Variants in CTCF observed in about 807,000 individuals in gnomAD.
CTCF encodes the protein transcriptional repressor CTCF.
A neutral mutation model predicts 72.3 loss-of-function variants in CTCF; 7 were observed. That is an observed-to-expected ratio of 0.10 (90% CI 0.06 to 0.18). The LOEUF is 0.18. CTCF is among the 10% of genes least tolerant of loss of function. The pLI, the probability that CTCF is intolerant of heterozygous loss-of-function variation, is 1.00. For synonymous variants in CTCF, 374 were observed against 315.8 expected (o/e 1.18, Z -1.95); for missense variants, 516 against 949.1 (o/e 0.54, Z 6.00).
chr16:67,564,079 C>T (rs1443262414), intron 1 of CTCF: 3 of 152,210 alleles, frequency 2.0e-5, no homozygotes, highest in Admixed American at 6.5e-5. Flanking sequence ...CATACGTAGT[C>T]TTCATACTTT....
chr16:67,577,554 C>T lies in CTCF; in HGVS notation c.-10+6290C>T, dbSNP rs551878008. 6.2e-4 allele frequency among the ~76,000 whole-genome samples: 94 copies of T among 151,204 alleles called. 2 individuals are homozygous for T. The highest frequency in any genetic ancestry group is 2.2e-3 in the African/African-American group (91 of 41,262). On this transcript the variant is annotated intron_variant, in intron 2 of 11. Coordinates refer to ENST00000264010, the MANE Select transcript of CTCF (RefSeq NM_006565.4). ...CCGGGTTCATGTCATTCCCCCGCCT[C>T]AGCCTCCTGAGTAGCTGGGACTACA...
At chr16:67,614,108 AG>A (rs1362950275) in intron 4 of CTCF, among the ~76,000 whole-genome samples, 2 of 152,082 alleles carry the variant, frequency 1.3e-5, no homozygotes, top group Admixed American at 6.6e-5. Flanking sequence ...TCACTTTGGG[AG>A]GCCGAGGTGG....
intron 2 of CTCF, among the ~76,000 whole-genome samples, chr16:67,577,824 G>C (rs2051520340): frequency 6.6e-6 from 1 of 152,164 alleles, no homozygotes; most frequent in Non-Finnish European, 1.5e-5. Flanking sequence ...AGTAAGGCAG[G>C]AGGAAGCTCC....
intron 5 of CTCF, among the ~76,000 whole-genome samples, chr16:67,619,592 C>A (rs1354036147): frequency 6.6e-6 from 1 of 151,988 alleles, no homozygotes; most frequent in South Asian, 2.1e-4. Flanking sequence ...GCAGGGGGTG[C>A]GTGGCAGACA....
chr16:67,592,076 G>A (rs1343765239), intron 2 of CTCF, among the ~76,000 whole-genome samples: 1 of 151,896 alleles, frequency 6.6e-6, no homozygotes, highest in Non-Finnish European at 1.5e-5. Flanking sequence ...TCTGTATAGT[G>A]AGAATACCAG....
chr16:67,588,586 A>G (rs59332070), intron 2 of CTCF, among the ~76,000 whole-genome samples: 6,415 of 152,264 alleles, frequency 0.042, 447 homozygotes, highest in African/African-American at 0.14. Flanking sequence ...TGTTGGTACT[A>G]TGGCACCAAT....
At chr16:67,564,685 T>C (rs768245326) in intron 1 of CTCF, among the ~76,000 whole-genome samples, 3 of 152,218 alleles carry the variant, frequency 2.0e-5, no homozygotes, top group Non-Finnish European at 2.9e-5. Flanking sequence ...TTTATTTATT[T>C]AAATAAGCTC....
At chr16:67,575,603 TA>T (rs1272316107) in intron 2 of CTCF, among the ~76,000 whole-genome samples, 1 of 152,026 alleles carries the variant, frequency 6.6e-6, no homozygotes, top group Non-Finnish European at 1.5e-5. Context: ...CCACCATGTC[TA>T]GCTAATTTTT....
At chr16:67,609,105 A>G (rs2052020886) in intron 2 of CTCF, among the ~76,000 whole-genome samples, 2 of 152,152 alleles carry the variant, frequency 1.3e-5, no homozygotes, top group Non-Finnish European at 2.9e-5. Context: ...GCTCAGTCAC[A>G]TGTATAATCC....
chr16:67,594,933 G>A (rs1327646847), intron 2 of CTCF, among the ~76,000 whole-genome samples: 1 of 152,182 alleles, frequency 6.6e-6, no homozygotes, highest in Non-Finnish European at 1.5e-5. Context: ...GATTTAGAAG[G>A]TGACTTGAGC....
At chr16:67,587,180 T>C (rs756050537) in intron 2 of CTCF, among the ~76,000 whole-genome samples, 5 of 145,714 alleles carry the variant, frequency 3.4e-5, no homozygotes, top group Admixed American at 7.1e-5. Context: ...TGCTGCAGCC[T>C]CAAAATTCTG....
At chr16:67,563,687 T>A (rs953530642) in intron 1 of CTCF, 3 of 152,224 alleles carry the variant, frequency 2.0e-5, no homozygotes, top group African/African-American at 7.2e-5. Flanking sequence ...CTCAGAGATC[T>A]CAAAGGGACT....
chr16:67,584,341 T>C (rs1285388576), intron 2 of CTCF, among the ~76,000 whole-genome samples: 56 of 144,242 alleles, frequency 3.9e-4, no homozygotes, highest in African/African-American at 1.4e-3. Flanking sequence ...AGTCTTCTTT[T>C]TTTTTTTTTT....
chr16:67,606,517 G>T (rs1041495811), intron 2 of CTCF, among the ~76,000 whole-genome samples: 1 of 151,978 alleles, frequency 6.6e-6, no homozygotes, highest in Non-Finnish European at 1.5e-5. Context: ...GAGCCACCAC[G>T]CCCGGCCCCT....
intron 2 of CTCF, among the ~76,000 whole-genome samples, chr16:67,573,513 T>C (rs1329967254): frequency 6.6e-6 from 1 of 152,168 alleles, no homozygotes; most frequent in Non-Finnish European, 1.5e-5. Flanking sequence ...AACTGTATGA[T>C]TAAGATAACA....
chr16:67,589,703 C>CAATG (rs1238386685), intron 2 of CTCF, among the ~76,000 whole-genome samples: 14 of 152,172 alleles, frequency 9.2e-5, no homozygotes, highest in Admixed American at 2.0e-4. Context: ...TTGAAGACTA[C>CAATG]CCCTAGTACA....
chr16:67,574,051 A>G (rs543459950), intron 2 of CTCF, among the ~76,000 whole-genome samples: 57 of 151,796 alleles, frequency 3.8e-4, no homozygotes, highest in Non-Finnish European at 1.9e-4. Context: ...GACTTACGTG[A>G]CCAAAGATGG....
In CTCF at chr16:67,620,611, A is replaced by G. The variant is rs567826523; in HGVS notation, c.1087-86A>G. ...CTGTATTCTGAACTTCAGTGCCCCA[A>G]AGCTAAGCTTTTGTGCCTAACCTAC... On this transcript the variant is annotated intron_variant, in intron 5 of 11. Coordinates refer to ENST00000264010, the MANE Select transcript of CTCF (RefSeq NM_006565.4). 8.5e-6 allele frequency: 10 copies of G among 1,177,652 alleles called. No homozygotes were observed. The African/African-American group carries it at 1.2e-4, about 14-fold the overall frequency. 73.0% of individuals were successfully genotyped at this position (1,177,652 alleles called of 1,614,324 possible).
chr16:67,597,461 C>G (rs2051830062), intron 2 of CTCF, among the ~76,000 whole-genome samples: 1 of 152,098 alleles, frequency 6.6e-6, no homozygotes, highest in South Asian at 2.1e-4. Flanking sequence ...GCCTCAGCCT[C>G]CCGAGTAGTT....
Sources: allele counts gnomAD v4.1 joint callset (sites outside exome capture counted in the v4.1 genomes callset), GRCh38; gene constraint gnomAD v4.1.1; transcripts MANE v1.5; gene names NCBI Gene and HGNC (gene_info 2026-07-23, HGNC 2026-07-21).